The following SLX4IP variants were observed in gnomAD, a reference collection of about 807,000 sequenced individuals.
The protein encoded by SLX4IP is protein SLX4IP.
Under a neutral mutation model 32.9 loss-of-function variants are expected in SLX4IP, and 34 were observed. That is an observed-to-expected ratio of 1.03 (90% CI 0.79 to 1.38). The LOEUF (loss-of-function observed/expected upper bound fraction) is 1.38. Among genes scored for constraint, SLX4IP ranks in the 40% most tolerant of loss-of-function variants. The pLI, the probability that SLX4IP is intolerant of heterozygous loss-of-function variation, is 0.00. For missense variants in SLX4IP, 444 were observed against 479.0 expected (o/e 0.93, Z 0.68); for synonymous variants, 172 against 171.7 (o/e 1.00, Z -0.01).
At chr20:10,599,448 T>C (rs1316384953) in intron 5 of SLX4IP, among the ~76,000 whole-genome samples, 1 of 152,236 alleles carries the variant, frequency 6.6e-6, no homozygotes, top group Non-Finnish European at 1.5e-5. Context: ...TTGTTTGTTT[T>C]TGAGACAAGT....
chr20:10,602,140 AG>A (rs2066848884), intron 6 of SLX4IP, among the ~76,000 whole-genome samples: 2 of 152,264 alleles, frequency 1.3e-5, no homozygotes. Flanking sequence ...AGTGAAATGA[AG>A]CAAAATCCAC....
At chr20:10,501,035 C>T (rs1320330151) in intron 2 of SLX4IP, among the ~76,000 whole-genome samples, 1 of 152,168 alleles carries the variant, frequency 6.6e-6, no homozygotes, top group Non-Finnish European at 1.5e-5. Flanking sequence ...TCCTTCCCCA[C>T]TGCCATGGTG....
At chr20:10,487,230 T>C (rs1216044362) in intron 2 of SLX4IP, among the ~76,000 whole-genome samples, 1 of 152,208 alleles carries the variant, frequency 6.6e-6, no homozygotes, top group African/African-American at 2.4e-5. Flanking sequence ...TGTTAGATCT[T>C]GTGCAGTAAA....
intron 2 of SLX4IP, among the ~76,000 whole-genome samples, chr20:10,501,887 T>C (rs981706732): frequency 6.6e-6 from 1 of 152,268 alleles, no homozygotes. Context: ...GTACTACTTT[T>C]ATATGCATGT....
At chr20:10,497,186 T>C (rs926652416) in intron 2 of SLX4IP, among the ~76,000 whole-genome samples, 2 of 152,158 alleles carry the variant, frequency 1.3e-5, no homozygotes, top group African/African-American at 4.8e-5. Flanking sequence ...GATTGATTGA[T>C]ACTTAGTTTT....
chr20:10,621,203 TTCAGTCTTTACAA>T, intron 6 of SLX4IP, 98 bp from the exon 7 acceptor site: 2 of 964,636 alleles, frequency 2.1e-6, no homozygotes, highest in South Asian at 2.9e-5. Flanking sequence ...AGCAGTTTCA[TTCAGTCTTTACAA>T]AAATAAATGT....
At chr20:10,555,203 A>T (rs985476461) in intron 2 of SLX4IP, among the ~76,000 whole-genome samples, 12 of 152,060 alleles carry the variant, frequency 7.9e-5, no homozygotes, top group African/African-American at 2.4e-4. Flanking sequence ...ATTTAAAAAA[A>T]AAAAAACAAA....
chr20:10,534,942 T>C (rs543126036), intron 2 of SLX4IP, among the ~76,000 whole-genome samples: 1 of 152,186 alleles, frequency 6.6e-6, no homozygotes, highest in Non-Finnish European at 1.5e-5. Flanking sequence ...CTGACTTGGG[T>C]GTACCGGGAT....
chr20:10,574,529 C>T (rs543780541), intron 4 of SLX4IP, among the ~76,000 whole-genome samples: 2 of 152,228 alleles, frequency 1.3e-5, no homozygotes, highest in African/African-American at 2.4e-5. Flanking sequence ...GGTGACACAA[C>T]TCCAGTATTA....
At chr20:10,438,089 C>G (rs2065129645) in intron 1 of SLX4IP, among the ~76,000 whole-genome samples, 1 of 151,928 alleles carries the variant, frequency 6.6e-6, no homozygotes, top group Admixed American at 6.6e-5. Context: ...AATTTCTGGG[C>G]TTTAAGGTTT....
In SLX4IP at chr20:10,623,719, G is replaced by T. The variant is rs1002205151; in HGVS notation, c.*340G>T. On this transcript the variant is annotated 3_prime_UTR_variant, in exon 8 of 8. Coordinates refer to ENST00000334534, the MANE Select transcript of SLX4IP (RefSeq NM_001009608.3). ...GAGCCCCTTCTTGGCACATCACTGT[G>T]CAGACCACACAATGGACCGTGCAAA... 2 of 291,972 alleles carry T rather than the reference G, an allele frequency of 6.8e-6. No individual in the cohort carries two copies. The highest frequency in any genetic ancestry group is 2.2e-5 in the African/African-American group (1 of 46,384). 18.1% of individuals were successfully genotyped at this position (291,972 alleles called of 1,614,324 possible).
chr20:10,527,316 G>A (rs1190151032), intron 2 of SLX4IP, among the ~76,000 whole-genome samples: 4 of 152,258 alleles, frequency 2.6e-5, no homozygotes, highest in African/African-American at 9.6e-5. Flanking sequence ...TTAAAAATAC[G>A]AAGAACAACT....
intron 2 of SLX4IP, among the ~76,000 whole-genome samples, chr20:10,479,603 G>GC (rs56191765): frequency 1 from 151,135 of 151,138 alleles, 75,566 homozygotes; most frequent in Middle Eastern, 1. Flanking sequence ...GCCTGCCTTG[G>GC]CTCCCAAAGT....
At chr20:10,439,283 G>A (rs961608526) in intron 1 of SLX4IP, among the ~76,000 whole-genome samples, 2 of 151,644 alleles carry the variant, frequency 1.3e-5, no homozygotes, top group South Asian at 2.1e-4. Context: ...ATCTCAGCTC[G>A]CTGCAGCCTC....
chr20:10,481,599 T>C (rs635607), intron 2 of SLX4IP, among the ~76,000 whole-genome samples: 50,421 of 152,102 alleles, frequency 0.33, 8,463 homozygotes, highest in Admixed American at 0.35. Flanking sequence ...TTTTCCCTTA[T>C]ATATTAATGC....
chr20:10,601,149 T>G (rs1487430452), intron 5 of SLX4IP, among the ~76,000 whole-genome samples: 2 of 152,168 alleles, frequency 1.3e-5, no homozygotes, highest in Non-Finnish European at 2.9e-5. Context: ...TGGTGTAATT[T>G]TACCATCTTT....
chr20:10,445,631 T>G (rs1400918759), intron 1 of SLX4IP, among the ~76,000 whole-genome samples: 2 of 149,790 alleles, frequency 1.3e-5, no homozygotes, highest in Non-Finnish European at 3.0e-5. Context: ...ATTGCCCTTT[T>G]TTTTTTTTTT....
rs138811098 is a variant in SLX4IP at position 10,450,487 on chromosome 20, C to T, written c.-29-7689C>T. ...GGAACTTACTTTTTTTCCACTTACACTTGCGTCTAAATGGGCTTGCTAAGA... is the reference window on the plus strand; with the variant it reads ...GGAACTTACTTTTTTTCCACTTACATTTGCGTCTAAATGGGCTTGCTAAGA... On this transcript the variant is annotated intron_variant, in intron 1 of 7. Coordinates refer to ENST00000334534, the MANE Select transcript of SLX4IP (RefSeq NM_001009608.3). Among the ~76,000 whole-genome samples the T allele has an allele frequency of 4.2e-3, 634 of 152,266 alleles. 2 individuals are homozygous for T. The highest frequency in any genetic ancestry group is 0.014 in the African/African-American group (572 of 41,556).
In SLX4IP at chr20:10,585,059, A is replaced by G. The variant is rs144621002; in HGVS notation, c.239-13616A>G. 2.6e-5 allele frequency among the ~76,000 whole-genome samples: 4 copies of G among 152,330 alleles called. No individual in the cohort carries two copies. The East Asian group carries it at 7.7e-4, about 29-fold the overall frequency. On this transcript the variant is annotated intron_variant, in intron 4 of 7. Coordinates refer to ENST00000334534, the MANE Select transcript of SLX4IP (RefSeq NM_001009608.3). ...AAACAAAAACAGAAGTGTGACATGA[A>G]AGAAGAAACACACAATGATCTTTCT...
Sources: allele counts gnomAD v4.1 joint callset (sites outside exome capture counted in the v4.1 genomes callset), GRCh38; gene constraint gnomAD v4.1.1; transcripts MANE v1.5; gene names NCBI Gene and HGNC (gene_info 2026-07-23, HGNC 2026-07-21).